SCAF8: variants seen among roughly 807,000 people sequenced by gnomAD.
The protein encoded by SCAF8 is SR-related CTD associated factor 8, also known as SR-related and CTD-associated factor 8.
A neutral mutation model predicts 140.5 loss-of-function variants in SCAF8; 23 were observed. The ratio of observed to expected loss-of-function variants is 0.16; its 90% CI spans 0.12 to 0.23. The LOEUF is 0.23. SCAF8 is among the 10% of genes least tolerant of loss of function. The pLI is 1.00. For missense variants in SCAF8, 1,397 were observed against 1,555.7 expected, an observed-to-expected ratio of 0.90 and a Z score of 1.72; for synonymous variants, 575 against 528.9, an observed-to-expected ratio of 1.09 and a Z score of -1.20.
Position 154,795,142 on chromosome 6 carries a change from G to A in SCAF8, c.606+3G>A, listed in dbSNP as rs1193098940. 2 of 1,561,448 alleles carry A rather than the reference G, an allele frequency of 1.3e-6. No homozygotes were observed. The highest frequency in any genetic ancestry group is 1.7e-4 in the Middle Eastern group (1 of 5,918). ...TGCAAAGTCCTCAAGGCCAGCAGGT[G>A]AGCGGTTTTTCTGTTATATCAAGAA... On this transcript the variant is annotated splice_donor_region_variant and intron_variant, in intron 6 of 19. Coordinates refer to ENST00000367178, the MANE Select transcript of SCAF8 (RefSeq NM_014892.5).
chr6:154,831,338 A>G lies in SCAF8; in HGVS notation c.2359+198A>G, dbSNP rs1583075452. Among the ~76,000 whole-genome samples, 3 of 152,072 alleles carry G rather than the reference A, an allele frequency of 2.0e-5. No individual in the cohort carries two copies. The South Asian group carries it at 6.2e-4, about 32-fold the overall frequency. ...TGTTCAGGATAATCTAGATTTCAAT[A>G]TGTTTCCATTAAGACCCTCACACCA... On this transcript the variant is annotated intron_variant, in intron 19 of 19. Transcript: ENST00000367178.
chr6:154,733,649 C>T lies in SCAF8; in HGVS notation c.-252C>T, dbSNP rs985832905. ...CCTCCCCCGCCCGCCGCCGACCCGC[C>T]CCGGCAGCGCCTCTGTTCCCTAGAA... is the stretch of plus-strand genomic sequence containing the variant. On this transcript the variant is annotated 5_prime_UTR_variant, in exon 1 of 20. Coordinates refer to ENST00000367178, the MANE Select transcript of SCAF8 (RefSeq NM_014892.5). 3 of 1,288,744 alleles carry T rather than the reference C, an allele frequency of 2.3e-6. No individual in the cohort carries two copies. Among genetic ancestry groups the T allele is most frequent in the Non-Finnish European group, 2.9e-6 (3 of 1,021,582 alleles). 79.8% of individuals were successfully genotyped at this position (1,288,744 alleles called of 1,614,324 possible). A position where few individuals can be genotyped will look rare whatever the true frequency, so the allele number is the denominator to read the frequency against.
At chr6:154,790,803 C>T (rs1777398739) in intron 4 of SCAF8, among the ~76,000 whole-genome samples, 1 of 152,090 alleles carries the variant, frequency 6.6e-6, no homozygotes, top group Admixed American at 6.5e-5. Context: ...AGCCACTGCA[C>T]CTGGCCTCTT....
rs1296065328 is a variant in SCAF8 at position 154,733,711 on chromosome 6, G to T, written c.-190G>T. On this transcript the variant is annotated 5_prime_UTR_variant, in exon 1 of 20. Coordinates refer to ENST00000367178, the MANE Select transcript of SCAF8 (RefSeq NM_014892.5). ...CCGCCCTAGCGGCCATGCCGGTGCC[G>T]CTCTGCCGCTGAGGGAGCCCTTCCC... The T allele has an allele frequency of 3.2e-6, 4 of 1,262,810 alleles. No individual in the cohort carries two copies. In the African/African-American group the frequency reaches 4.8e-5, roughly 15 times the overall value. 78.2% of individuals were successfully genotyped at this position (1,262,810 alleles called of 1,614,324 possible). A position where few individuals can be genotyped will look rare whatever the true frequency, so the allele number is the denominator to read the frequency against.
chr6:154,771,835 C>T (rs905606680), intron 1 of SCAF8, among the ~76,000 whole-genome samples: 5 of 152,114 alleles, frequency 3.3e-5, no homozygotes, highest in Non-Finnish European at 2.9e-5. Flanking sequence ...TCACAAAATA[C>T]ACCCAGTGAC....
intron 19 of SCAF8, among the ~76,000 whole-genome samples, chr6:154,831,441 T>C (rs1006640411): frequency 1.5e-4 from 23 of 152,038 alleles, no homozygotes; most frequent in African/African-American, 2.9e-4. Context: ...TGTATACTTA[T>C]AGGAAGATAA....
At chr6:154,794,979 A>AT (rs1197377477) in intron 5 of SCAF8, 30 bp from the exon 6 acceptor site, 4 of 1,560,838 alleles carry the variant, frequency 2.6e-6, no homozygotes, top group Admixed American at 2.1e-5. Flanking sequence ...TTACATATTT[A>AT]TTTGGGGGGT....
intron 8 of SCAF8, among the ~76,000 whole-genome samples, chr6:154,805,091 A>T (rs1777874300): frequency 6.6e-6 from 1 of 152,150 alleles, no homozygotes; most frequent in African/African-American, 2.4e-5. Context: ...AAAAGCAGTA[A>T]TTTATATGTA....
intron 1 of SCAF8, among the ~76,000 whole-genome samples, chr6:154,760,112 G>A (rs942519269): frequency 2.0e-5 from 3 of 152,094 alleles, no homozygotes; most frequent in Non-Finnish European, 4.4e-5. Context: ...CCAACGTGGT[G>A]AAAAACCTGT....
chr6:154,817,060 C>T (rs1778272657), intron 13 of SCAF8, among the ~76,000 whole-genome samples: 2 of 152,170 alleles, frequency 1.3e-5, no homozygotes, highest in African/African-American at 4.8e-5. Context: ...CAAAACATCA[C>T]TGTCTTTCAG....
At position 154,833,329 on chromosome 6, in the gene SCAF8, G is replaced by A. The variant is rs1173470155; in HGVS notation, c.3750G>A (p.Lys1250=). 6.2e-7 allele frequency: 1 copy of A among 1,613,958 alleles called. No homozygotes were observed. The highest frequency in any genetic ancestry group is 1.3e-5 in the African/African-American group (1 of 75,046). ...LTSSNEINKE[K]SDTVADIESE... Reference sequence around the variant, plus strand: ...CTTCAAATGAAATAAACAAGGAGAAGAGTGACACAGTTGCTGATATAGAAA... The same window carrying A: ...CTTCAAATGAAATAAACAAGGAGAAAAGTGACACAGTTGCTGATATAGAAA... The change falls in exon 20 of 20, where the codon AAG becomes AAA. Residue 1250 remains lysine, a synonymous_variant. Transcript: ENST00000367178.
intron 3 of SCAF8, among the ~76,000 whole-genome samples, chr6:154,783,192 TAG>T (rs1404091558): frequency 6.6e-6 from 1 of 152,204 alleles, no homozygotes; most frequent in Non-Finnish European, 1.5e-5. Context: ...CAAAAATATG[TAG>T]AGTTTACCCA....
At chr6:154,743,174 T>G (rs1457524952) in intron 1 of SCAF8, among the ~76,000 whole-genome samples, 1 of 152,232 alleles carries the variant, frequency 6.6e-6, no homozygotes, top group Non-Finnish European at 1.5e-5. Context: ...CTTAGCATTT[T>G]GCCTCTTAGA....
chr6:154,741,565 C>T (rs1778568264), intron 1 of SCAF8, among the ~76,000 whole-genome samples: 1 of 152,128 alleles, frequency 6.6e-6, no homozygotes, highest in Admixed American at 6.5e-5. Context: ...TACCACCACA[C>T]CCGGCTAATT....
chr6:154,820,450 A>T, intron 15 of SCAF8, 117 bp downstream of exon 15: 1 of 789,078 alleles, frequency 1.3e-6, no homozygotes, highest in Non-Finnish European at 2.0e-6. Context: ...CCCAAAAAAG[A>T]GAAAAGATAC....
intron 3 of SCAF8, 60 bp from the exon 4 acceptor site, chr6:154,787,801 G>A: frequency 1.4e-6 from 2 of 1,408,154 alleles, no homozygotes; most frequent in Non-Finnish European, 2.0e-6. Flanking sequence ...GATGATTTTT[G>A]TCTATCAAGA....
intron 6 of SCAF8, among the ~76,000 whole-genome samples, chr6:154,799,660 C>G (rs1157796080): frequency 6.6e-6 from 1 of 151,316 alleles, no homozygotes; most frequent in African/African-American, 2.4e-5. Context: ...AATCCTGCCC[C>G]AAGATCTCTG....
chr6:154,742,716 G>A (rs189788243), intron 1 of SCAF8, among the ~76,000 whole-genome samples: 6 of 143,856 alleles, frequency 4.2e-5, no homozygotes, highest in Admixed American at 3.5e-4. Context: ...TATAGGTCAG[G>A]AAAAATCTCA....
At chr6:154,794,764 G>C (rs1777538663) in intron 5 of SCAF8, among the ~76,000 whole-genome samples, 1 of 95,112 alleles carries the variant, frequency 1.1e-5, no homozygotes, top group African/African-American at 5.3e-5. Flanking sequence ...TTTGGTGGGG[G>C]GGGGGGGGTG....
Sources: allele counts gnomAD v4.1 joint callset (sites outside exome capture counted in the v4.1 genomes callset), GRCh38; gene constraint gnomAD v4.1.1; transcripts MANE v1.5; gene names NCBI Gene and HGNC (gene_info 2026-07-23, HGNC 2026-07-21).